Variants in RALGAPA1 observed in about 807,000 individuals in gnomAD.
The protein encoded by RALGAPA1 is ral GTPase-activating protein subunit alpha-1.
A neutral mutation model predicts 269.6 loss-of-function variants in RALGAPA1; 52 were observed. The observed-to-expected ratio is 0.19, with a 90% CI of 0.15 to 0.24. The LOEUF is 0.24. Ranked by LOEUF, RALGAPA1 falls within the 10% of genes least tolerant of loss-of-function variation. The probability of loss-of-function intolerance (pLI) is 1.00; values close to 1 mark genes in which losing one functional copy is unlikely to be tolerated. For synonymous variants in RALGAPA1, 817 were observed against 1,008.3 expected, an observed-to-expected ratio of 0.81 and a Z score of 3.60; for missense variants, 1,917 against 3,013.9, an observed-to-expected ratio of 0.64 and a Z score of 8.52.
chr14:35,583,096 G>A (rs72668478), intron 37 of RALGAPA1, among the ~76,000 whole-genome samples: 2,057 of 152,300 alleles, frequency 0.014, 13 homozygotes, highest in Middle Eastern at 0.037. Flanking sequence ...GACTGAACAA[G>A]CATCAGAACA....
chr14:35,574,759 T>C (rs902394819), intron 37 of RALGAPA1, among the ~76,000 whole-genome samples: 9 of 152,194 alleles, frequency 5.9e-5, no homozygotes, highest in Admixed American at 5.9e-4. Context: ...TTCAGGCATA[T>C]GTATGTTTGA....
In RALGAPA1 at chr14:35,602,190, A is replaced by G. The variant is rs557877981; in HGVS notation, c.7053+3396T>C. ...CGAATAATATTCCCTTTTATTGGATACACCACAGTTTAGCCATTCATCCAT... is the reference window on the plus strand; with the variant it reads ...CGAATAATATTCCCTTTTATTGGATGCACCACAGTTTAGCCATTCATCCAT... On this transcript the variant is annotated intron_variant, in intron 36 of 41. Coordinates refer to ENST00000680220, the MANE Select transcript of RALGAPA1 (RefSeq NM_001346249.2). 1.2e-4 allele frequency among the ~76,000 whole-genome samples: 19 copies of G among 152,302 alleles called. No individual in the cohort carries two copies. In the East Asian group the frequency reaches 3.7e-3, roughly 29 times the overall value.
intron 1 of RALGAPA1, among the ~76,000 whole-genome samples, chr14:35,795,945 A>G (rs1282862310): frequency 1.3e-5 from 2 of 152,112 alleles, no homozygotes; most frequent in East Asian, 3.8e-4. Context: ...GCCCCCAAAA[A>G]CAGAACGAAA....
At chr14:35,566,892 A>ATATATATATATTTGTAC (rs2056760307) in intron 39 of RALGAPA1, among the ~76,000 whole-genome samples, 1 of 112,110 alleles carries the variant, frequency 8.9e-6, no homozygotes, top group African/African-American at 5.0e-5. Flanking sequence ...TATTTGTACT[A>ATATATATATATTTGTAC]TATATATATA....
intron 31 of RALGAPA1, among the ~76,000 whole-genome samples, chr14:35,644,427 A>G (rs1173299632): frequency 6.6e-6 from 1 of 152,224 alleles, no homozygotes; most frequent in African/African-American, 2.4e-5. Context: ...ACTGCATACA[A>G]ACAGAAAAAA....
In RALGAPA1 at chr14:35,623,299, C is replaced by T. The variant is rs552828244; in HGVS notation, c.6929+2062G>A. ...ACCAGGAAAGCTCCCACGAATAGCA[C>T]GAAAGTTAATCTCTCTCTCTCTCTC... On this transcript the variant is annotated intron_variant, in intron 35 of 41. Transcript: ENST00000680220. 1.2e-4 allele frequency among the ~76,000 whole-genome samples: 18 copies of T among 151,978 alleles called. 1 individual carries two copies. The East Asian group carries it at 1.4e-3, about 11-fold the overall frequency.
intron 28 of RALGAPA1, among the ~76,000 whole-genome samples, chr14:35,658,223 G>A (rs1566938460): frequency 6.6e-6 from 1 of 152,146 alleles, no homozygotes; most frequent in Non-Finnish European, 1.5e-5. Flanking sequence ...TTTGTTTTTA[G>A]TTAGCTTGGC....
rs780287142 is a variant in RALGAPA1 at position 35,802,556 on chromosome 14, G to A, written c.106+6174C>T. Among the ~76,000 whole-genome samples, 48 of 152,002 alleles carry A rather than the reference G, an allele frequency of 3.2e-4. 1 individual carries two copies. The highest frequency in any genetic ancestry group is 3.4e-3 in the Middle Eastern group (1 of 294). On this transcript the variant is annotated intron_variant, in intron 1 of 41. Coordinates refer to ENST00000680220, the MANE Select transcript of RALGAPA1 (RefSeq NM_001346249.2). ...AGAAGTCCTAAGTAGGTGGAGAAAC[G>A]CCTTGTTCATGAATCAGTGTATTCA...
At chr14:35,584,706 CAT>C (rs1185279841) in intron 37 of RALGAPA1, among the ~76,000 whole-genome samples, 1 of 148,994 alleles carries the variant, frequency 6.7e-6, no homozygotes, top group Non-Finnish European at 1.5e-5. Flanking sequence ...AGAAGGGAAT[CAT>C]ATAAAATGCT....
At chr14:35,804,823 G>C (rs574242097) in intron 1 of RALGAPA1, among the ~76,000 whole-genome samples, 3 of 151,962 alleles carry the variant, frequency 2.0e-5, no homozygotes, top group East Asian at 3.9e-4. Flanking sequence ...CAGCTACTAG[G>C]GAGGTAGAGG....
intron 31 of RALGAPA1, 96 bp downstream of exon 31, chr14:35,651,709 A>AT: frequency 8.9e-7 from 1 of 1,124,600 alleles, no homozygotes; most frequent in Non-Finnish European, 1.2e-6. Context: ...ACAAGGATAA[A>AT]TTTTTACCAT....
intron 17 of RALGAPA1, 99 bp from the exon 18 acceptor site, chr14:35,690,102 T>A: frequency 1.1e-6 from 1 of 910,190 alleles, no homozygotes; most frequent in Non-Finnish European, 1.6e-6. Flanking sequence ...TTAAAAAAAA[T>A]CTGAGTTTTT....
At chr14:35,543,343 A>G (rs2054176440) in intron 41 of RALGAPA1, among the ~76,000 whole-genome samples, 1 of 152,240 alleles carries the variant, frequency 6.6e-6, no homozygotes, top group South Asian at 2.1e-4. Flanking sequence ...TACATTTTGA[A>G]TCAGAACAGA....
chr14:35,645,277 G>A (rs1427794930), intron 31 of RALGAPA1, among the ~76,000 whole-genome samples: 1 of 151,720 alleles, frequency 6.6e-6, no homozygotes, highest in Non-Finnish European at 1.5e-5. Flanking sequence ...ATGACACTGG[G>A]CATTAGGATT....
chr14:35,738,617 T>G lies in RALGAPA1; in HGVS notation c.1483A>C (p.Asn495His). Residue 495 changes from asparagine to histidine, a missense_variant, in exon 12 of 42, where the codon AAT becomes CAT. By Grantham distance (68) the Asn-to-His change is moderately conservative. Coordinates refer to ENST00000680220, the MANE Select transcript of RALGAPA1 (RefSeq NM_001346249.2). The part of the protein sequence containing the change: ...NGTNTADHVR[N>H]SSWAKNGSYQ... ...GAGCCGTTTTTTGCCCAACTGGAATTTCGAACATGATCAGCAGTATTGGTC... is the reference window on the plus strand; with the variant it reads ...GAGCCGTTTTTTGCCCAACTGGAATGTCGAACATGATCAGCAGTATTGGTC... The G allele has an allele frequency of 1.2e-6, 2 of 1,613,526 alleles. No individual in the cohort carries two copies. Among genetic ancestry groups the G allele is most frequent in the Non-Finnish European group, 1.7e-6 (2 of 1,179,706 alleles).
At chr14:35,580,700 C>A (rs1344338560) in intron 37 of RALGAPA1, among the ~76,000 whole-genome samples, 3 of 152,046 alleles carry the variant, frequency 2.0e-5, no homozygotes, top group African/African-American at 7.2e-5. Flanking sequence ...AAATAATTTA[C>A]AAATCACATA....
intron 37 of RALGAPA1, among the ~76,000 whole-genome samples, chr14:35,590,896 A>G (rs2058595327): frequency 6.6e-6 from 1 of 152,260 alleles, no homozygotes; most frequent in East Asian, 1.9e-4. Context: ...GGTTACATTT[A>G]GTAATAGTTT....
At chr14:35,715,381 A>G (rs1434276498) in intron 16 of RALGAPA1, among the ~76,000 whole-genome samples, 1 of 151,422 alleles carries the variant, frequency 6.6e-6, no homozygotes, top group Non-Finnish European at 1.5e-5. Flanking sequence ...TCAAAGTTCT[A>G]TTTGATTCTT....
chr14:35,571,217 TA>T (rs1169027020), intron 38 of RALGAPA1, among the ~76,000 whole-genome samples: 3 of 152,222 alleles, frequency 2.0e-5, no homozygotes, highest in African/African-American at 4.8e-5. Context: ...AATTAAATGT[TA>T]TTTTTTTGAG....
Sources: allele counts gnomAD v4.1 joint callset (sites outside exome capture counted in the v4.1 genomes callset), GRCh38; gene constraint gnomAD v4.1.1; transcripts MANE v1.5; gene names NCBI Gene and HGNC (gene_info 2026-07-23, HGNC 2026-07-21).